Variants in KCNAB1 observed in about 807,000 individuals in gnomAD.
The protein encoded by KCNAB1 is potassium voltage-gated channel subfamily A regulatory beta subunit 1, also known as voltage-gated potassium channel subunit beta-1.
In KCNAB1, 35 loss-of-function variants were observed where a neutral mutation model predicts 64.6. That is an observed-to-expected ratio of 0.54 (90% CI 0.41 to 0.72). The LOEUF (loss-of-function observed/expected upper bound fraction) is 0.72. Ranked by LOEUF, KCNAB1 falls within the 30% of genes least tolerant of loss-of-function variation. The pLI, the probability that KCNAB1 is intolerant of heterozygous loss-of-function variation, is 0.00. For missense variants in KCNAB1, 401 were observed against 512.9 expected (o/e 0.78, Z 2.11); for synonymous variants, 177 against 183.8 (o/e 0.96, Z 0.30).
chr3:156,439,745 G>A (rs528332576), intron 2 of KCNAB1, among the ~76,000 whole-genome samples: 157 of 152,278 alleles, frequency 1.0e-3, no homozygotes, highest in African/African-American at 3.5e-3. Flanking sequence ...CATTTCCCTC[G>A]TTTCCCACAG....
intron 1 of KCNAB1, among the ~76,000 whole-genome samples, chr3:156,325,109 G>A (rs1251600525): frequency 2.0e-5 from 3 of 152,074 alleles, no homozygotes; most frequent in Non-Finnish European, 2.9e-5. Flanking sequence ...TACACCTACT[G>A]GCTCATTTAA....
chr3:156,326,204 AT>A (rs1172934720), intron 1 of KCNAB1, among the ~76,000 whole-genome samples: 2 of 152,054 alleles, frequency 1.3e-5, no homozygotes, highest in African/African-American at 4.8e-5. Context: ...GGATGTGCTT[AT>A]TTATAACCCC....
intron 8 of KCNAB1, among the ~76,000 whole-genome samples, chr3:156,507,420 G>A (rs889936458): frequency 6.6e-6 from 1 of 152,166 alleles, no homozygotes; most frequent in Non-Finnish European, 1.5e-5. Context: ...GCTGTCCTCA[G>A]ACATTCAGCA....
At chr3:156,302,512 A>G (rs1721222756) in intron 1 of KCNAB1, among the ~76,000 whole-genome samples, 1 of 152,162 alleles carries the variant, frequency 6.6e-6, no homozygotes, top group Non-Finnish European at 1.5e-5. Flanking sequence ...AGGCAGCAAA[A>G]AGAATAATGG....
rs2108288257 is a variant in KCNAB1, at chr3:156,457,611, T to C, written c.437+79T>C. The C allele has an allele frequency of 5.5e-6, 7 of 1,276,478 alleles. No homozygotes were observed. In the East Asian group the frequency reaches 1.4e-4, roughly 25 times the overall value. The allele number at this position is 1,276,478 out of a possible 1,614,324, so 79.1% of individuals were successfully genotyped here. The stretch of plus-strand genomic sequence containing the variant: ...TCAGCCCAGACCATTTCCAGCATGT[T>C]GGTGAAAAGGTTCTGTCCTTTCTCC... On this transcript the variant is annotated intron_variant, in intron 4 of 13. Transcript: ENST00000490337.
At chr3:156,236,919 T>C (rs909482272) in intron 1 of KCNAB1, among the ~76,000 whole-genome samples, 3 of 152,160 alleles carry the variant, frequency 2.0e-5, no homozygotes, top group African/African-American at 7.2e-5. Flanking sequence ...TTAATAAATA[T>C]AACAAAAGTC....
chr3:156,223,024 T>C (rs571635719), intron 1 of KCNAB1, among the ~76,000 whole-genome samples: 3 of 152,334 alleles, frequency 2.0e-5, no homozygotes, highest in Non-Finnish European at 2.9e-5. Flanking sequence ...TGGTGGGTTC[T>C]TGGTCTCACT....
chr3:156,270,139 A>C (rs1019426730), intron 1 of KCNAB1, among the ~76,000 whole-genome samples: 9 of 151,986 alleles, frequency 5.9e-5, no homozygotes, highest in African/African-American at 2.2e-4. Flanking sequence ...GATGGTCTCG[A>C]TCTCCTGACC....
intron 1 of KCNAB1, chr3:156,291,959 G>A: frequency 6.2e-7 from 1 of 1,614,160 alleles, no homozygotes; most frequent in Admixed American, 1.7e-5. Context: ...TCGGAATGGT[G>A]AGGACCGACT....
At chr3:156,170,170 C>T (rs1711870587) in intron 1 of KCNAB1, among the ~76,000 whole-genome samples, 1 of 151,288 alleles carries the variant, frequency 6.6e-6, no homozygotes, top group Non-Finnish European at 1.5e-5. Context: ...ACAATTGGTT[C>T]CTATGGGGCC....
At chr3:156,475,339 C>T (rs116308582) in intron 8 of KCNAB1, among the ~76,000 whole-genome samples, 4,830 of 152,234 alleles carry the variant, frequency 0.032, 118 homozygotes, top group Middle Eastern at 0.068. Flanking sequence ...CATTTTATCC[C>T]CCTTCTGTTA....
chr3:156,143,399 C>T, intron 1 of KCNAB1: 1 of 1,593,756 alleles, frequency 6.3e-7, no homozygotes, highest in South Asian at 1.2e-5. Context: ...ACCACCAGAG[C>T]AGAGACGGGC....
At chr3:156,464,397 AAACATGTAAGAAAAC>A (rs1713177996) in intron 6 of KCNAB1, among the ~76,000 whole-genome samples, 1 of 152,152 alleles carries the variant, frequency 6.6e-6, no homozygotes, top group Admixed American at 6.5e-5. Flanking sequence ...CCTTTTTGAC[AAACATGTAAGAAAAC>A]AGCAAGATAT....
At chr3:156,311,871 G>A (rs1002459528) in intron 1 of KCNAB1, among the ~76,000 whole-genome samples, 17 of 152,122 alleles carry the variant, frequency 1.1e-4, no homozygotes, top group Non-Finnish European at 2.2e-4. Context: ...TGCACTTAAG[G>A]CCCTTCGTTT....
chr3:156,144,598 C>CT (rs1714929746), intron 1 of KCNAB1, among the ~76,000 whole-genome samples: 1 of 152,172 alleles, frequency 6.6e-6, no homozygotes, highest in South Asian at 2.1e-4. Context: ...GGAGATGCTG[C>CT]TGTTTCTTTC....
At chr3:156,244,678 C>A (rs749106212) in intron 1 of KCNAB1, among the ~76,000 whole-genome samples, 1 of 152,298 alleles carries the variant, frequency 6.6e-6, no homozygotes, top group Non-Finnish European at 1.5e-5. Context: ...TCTGACTTAA[C>A]CCTGATAGAT....
chr3:156,271,542 A>C (rs1029579191), intron 1 of KCNAB1, among the ~76,000 whole-genome samples: 1 of 152,136 alleles, frequency 6.6e-6, no homozygotes, highest in Non-Finnish European at 1.5e-5. Context: ...AGTATTTTAA[A>C]TTATTTCAAT....
chr3:156,521,473 AG>A (rs1717936355), intron 11 of KCNAB1, among the ~76,000 whole-genome samples: 1 of 152,222 alleles, frequency 6.6e-6, no homozygotes, highest in Non-Finnish European at 1.5e-5. Flanking sequence ...CATAAGTGTC[AG>A]AACTGGAGAT....
chr3:156,265,157 G>A (rs879276019), intron 1 of KCNAB1, among the ~76,000 whole-genome samples: 1 of 152,136 alleles, frequency 6.6e-6, no homozygotes, highest in Non-Finnish European at 1.5e-5. Context: ...GTCTACATCT[G>A]GGGACATGAT....
Sources: allele counts gnomAD v4.1 joint callset (sites outside exome capture counted in the v4.1 genomes callset), GRCh38; gene constraint gnomAD v4.1.1; transcripts MANE v1.5; gene names NCBI Gene and HGNC (gene_info 2026-07-23, HGNC 2026-07-21).